The following DMXL1 variants were observed in gnomAD, a reference collection of about 807,000 sequenced individuals.
The protein encoded by DMXL1 is dmX-like protein 1.
A neutral mutation model predicts 319.2 loss-of-function variants in DMXL1; 99 were observed. That is an observed-to-expected ratio of 0.31 (90% CI 0.26 to 0.37). The LOEUF is 0.37. Among genes scored for constraint, DMXL1 ranks in the 10% least tolerant of loss-of-function variants. DMXL1 has a pLI of 1.00. For missense variants in DMXL1, 3,745 were observed against 3,595.6 expected, an observed-to-expected ratio of 1.04 and a Z score of -1.06; for synonymous variants, 1,385 against 1,235.2, an observed-to-expected ratio of 1.12 and a Z score of -2.54.
At chr5:119,089,368 C>T (rs940465451) in intron 1 of DMXL1, among the ~76,000 whole-genome samples, 3 of 129,114 alleles carry the variant, frequency 2.3e-5, no homozygotes, top group East Asian at 5.0e-4. Flanking sequence ...TGCAGTGGCA[C>T]GATCTCAGCT....
At chr5:119,188,682 TTAAG>T (rs887877709) in intron 28 of DMXL1, among the ~76,000 whole-genome samples, 36 of 152,352 alleles carry the variant, frequency 2.4e-4, no homozygotes, top group African/African-American at 6.3e-4. Context: ...ATTTGAAAGA[TTAAG>T]TAATAATCAT....
chr5:119,240,431 G>A lies in DMXL1; in HGVS notation c.8664G>A (p.Leu2888=), dbSNP rs757696633. ...TTTTTTTTTCCAGAAACGTATGTTT[G>A]TGGGATACTCTTGTAGCACCTGCCA... ...GLSTDNRNVC[L]WDTLVAPANS... Residue 2888 remains leucine (L), a synonymous_variant, in exon 42 of 44, where the codon TTG becomes TTA. Coordinates refer to ENST00000539542, the MANE Select transcript of DMXL1 (RefSeq NM_001290321.3). 1.3e-6 allele frequency: 2 copies of A among 1,592,622 alleles called. No individual in the cohort carries two copies. Among genetic ancestry groups the A allele is most frequent in the Non-Finnish European group, 1.7e-6 (2 of 1,168,852 alleles).
At position 119,170,642 on chromosome 5, in the gene DMXL1, G is replaced by T; in HGVS notation, c.5851G>T (p.Asp1951Tyr). The T allele has an allele frequency of 6.2e-7, 1 of 1,613,616 alleles. No homozygotes were observed. The highest frequency in any genetic ancestry group is 1.1e-5 in the South Asian group (1 of 91,008). The change falls in exon 24 of 44, where the codon GAC becomes TAC. Residue 1951 changes from aspartate to tyrosine, a missense_variant. Physicochemically the swap from Asp to Tyr is radical, Grantham distance 160. This residue lies in a region of DMXL1 where 1,382 missense variants were observed against 1,269.5 expected (regional missense o/e 1.09). Transcript: ENST00000539542. ...EKQSNSTLSF[D>Y]WSQPSVVFQD... ...GCAATCAAACTCCACTCTTTCTTTT[G>T]ACTGGAGCCAACCAAGTGTTGTGTT...
intron 28 of DMXL1, among the ~76,000 whole-genome samples, chr5:119,181,553 G>A (rs906495293): frequency 6.6e-6 from 1 of 152,218 alleles, no homozygotes; most frequent in African/African-American, 2.4e-5. Context: ...TGGATGTGGT[G>A]GCTCACACCT....
Position 119,083,142 on chromosome 5 carries a change from C to T in DMXL1, c.87+11486C>T, listed in dbSNP as rs574939641. On this transcript the variant is annotated intron_variant, in intron 1 of 43. Transcript: ENST00000539542. Reference sequence around the variant, plus strand: ...TGTTGTGCCTCAGCCTCCCCAGTAGCTGTGATTACAGGCATGTGTCACCAT... The same window carrying T: ...TGTTGTGCCTCAGCCTCCCCAGTAGTTGTGATTACAGGCATGTGTCACCAT... Among the ~76,000 whole-genome samples the T allele has an allele frequency of 2.0e-5, 3 of 152,068 alleles. No individual in the cohort carries two copies. The East Asian group carries it at 5.8e-4, about 30-fold the overall frequency.
intron 9 of DMXL1, chr5:119,126,989 C>A: frequency 6.0e-6 from 1 of 166,904 alleles, no homozygotes; most frequent in South Asian, 1.8e-4. Flanking sequence ...ATCTTGAACG[C>A]CTGCTTCATC....
At chr5:119,162,076 G>A (rs1772395624) in intron 19 of DMXL1, among the ~76,000 whole-genome samples, 1 of 152,166 alleles carries the variant, frequency 6.6e-6, no homozygotes, top group Admixed American at 6.5e-5. Context: ...CTCAATGTCT[G>A]ACCGTGGCTT....
chr5:119,156,234 C>T (rs1344780682), intron 19 of DMXL1, among the ~76,000 whole-genome samples: 1 of 152,204 alleles, frequency 6.6e-6, no homozygotes, highest in East Asian at 1.9e-4. Context: ...AAAATTATGA[C>T]TTGCTTAAGG....
intron 28 of DMXL1, among the ~76,000 whole-genome samples, chr5:119,181,162 T>TG (rs937126881): frequency 5.9e-5 from 9 of 152,122 alleles, no homozygotes; most frequent in African/African-American, 1.9e-4. Context: ...TAAATTATTT[T>TG]GGGGGGGCCA....
At chr5:119,175,202 A>G in intron 25 of DMXL1, 59 bp from the exon 26 acceptor site, 1 of 1,365,350 alleles carries the variant, frequency 7.3e-7, no homozygotes, top group Middle Eastern at 2.0e-4. Context: ...TTAGGTCTTG[A>G]AAAAAAATCT....
At position 119,110,185 on chromosome 5, in the gene DMXL1, A is replaced by C. The variant is rs1759266372; in HGVS notation, c.399A>C (p.Gln133His). 1 of 1,596,866 alleles carries C rather than the reference A, an allele frequency of 6.3e-7. No homozygotes were observed. Among genetic ancestry groups the C allele is most frequent in the Non-Finnish European group, 8.5e-7 (1 of 1,175,080 alleles). ...TTTTAACTGGTTCCAGCTATTTGCA[A>C]CTCTGGTCCAATACTAACTTGGAGA... ...SRLLTGSSYL[Q>H]LWSNTNLEKP... Residue 133 changes from glutamine (Q) to histidine (H), a missense_variant, in exon 5 of 44, where the codon CAA becomes CAC. By Grantham distance (24) the Gln-to-His change is conservative. Transcript: ENST00000539542.
At position 119,247,026 on chromosome 5, in the gene DMXL1, A is replaced by G. The variant is rs1217891346; in HGVS notation, c.8954A>G (p.His2985Arg). The part of the protein sequence containing the change: ...IWSLSTFGLL[H>R]TFVSEHARQS... The stretch of plus-strand genomic sequence containing the variant: ...AGTCTCTCTACCTTTGGTCTTCTCC[A>G]TACTTTTGTCAGTGAACATGCTCGG... The change falls in exon 44 of 44, where the codon CAT becomes CGT. Residue 2985 changes from histidine (H) to arginine (R), a missense_variant. Transcript: ENST00000539542. 3 of 1,613,604 alleles carry G rather than the reference A, an allele frequency of 1.9e-6. No individual in the cohort carries two copies. The highest frequency in any genetic ancestry group is 2.5e-6 in the Non-Finnish European group (3 of 1,179,718).
chr5:119,200,130 TGTCATAA>T (rs1214229659), intron 32 of DMXL1, among the ~76,000 whole-genome samples: 3 of 152,148 alleles, frequency 2.0e-5, no homozygotes, highest in Non-Finnish European at 2.9e-5. Context: ...TTGGGGTCCT[TGTCATAA>T]AATCTTTGCC....
At chr5:119,116,114 A>T (rs761603151) in intron 6 of DMXL1, 44 bp from the exon 7 acceptor site, 1 of 1,543,812 alleles carries the variant, frequency 6.5e-7, no homozygotes, top group South Asian at 1.2e-5. Flanking sequence ...TTAATCTTTA[A>T]TTCTGATCTC....
chr5:119,248,908 TA>T lies in DMXL1; in HGVS notation c.*1690del, dbSNP rs1437337954. ...TTGTTTGATGTAGTTAACCTTAAGT[TA>T]TTTTTCAGTAATTTCTTCACAAATC... On this transcript the variant is annotated 3_prime_UTR_variant, in exon 44 of 44. Coordinates refer to ENST00000539542, the MANE Select transcript of DMXL1 (RefSeq NM_001290321.3). The T allele has an allele frequency of 4.6e-5, 7 of 152,624 alleles. No homozygotes were observed. Among genetic ancestry groups the T allele is most frequent in the Non-Finnish European group, 8.8e-5 (6 of 67,928 alleles). 9.5% of individuals were successfully genotyped at this position (152,624 alleles called of 1,614,324 possible).
intron 38 of DMXL1, among the ~76,000 whole-genome samples, chr5:119,231,752 A>G (rs2150674404): frequency 6.6e-6 from 1 of 152,348 alleles, no homozygotes; most frequent in African/African-American, 2.4e-5. Flanking sequence ...AAGCACAACA[A>G]AGACAGTATT....
intron 4 of DMXL1, 68 bp from the exon 5 acceptor site, chr5:119,110,083 T>G: frequency 7.2e-7 from 1 of 1,394,002 alleles, no homozygotes; most frequent in Non-Finnish European, 9.7e-7. Context: ...TATATGAAAT[T>G]CTTGAGCATG....
chr5:119,122,294 C>T (rs1467080032), intron 9 of DMXL1, among the ~76,000 whole-genome samples: 9 of 142,014 alleles, frequency 6.3e-5, no homozygotes, highest in South Asian at 2.3e-4. Context: ...CCGGACGGGG[C>T]GGCTGGCCGG....
At chr5:119,099,233 TG>T (rs1213961983) in intron 2 of DMXL1, among the ~76,000 whole-genome samples, 3 of 151,970 alleles carry the variant, frequency 2.0e-5, no homozygotes, top group Non-Finnish European at 4.4e-5. Context: ...GTTTTTCAGA[TG>T]GAGTCTCGCT....
Sources: allele counts gnomAD v4.1 joint callset (sites outside exome capture counted in the v4.1 genomes callset), GRCh38; gene constraint gnomAD v4.1.1; regional missense constraint gnomAD v4.1.1; transcripts MANE v1.5; gene names NCBI Gene and HGNC (gene_info 2026-07-23, HGNC 2026-07-21).